MAD1L1: variants seen among roughly 807,000 people sequenced by gnomAD.
MAD1L1 encodes the protein mitotic spindle assembly checkpoint protein MAD1.
A neutral mutation model predicts 96.9 loss-of-function variants in MAD1L1; 95 were observed. The ratio of observed to expected loss-of-function variants is 0.98; its 90% CI spans 0.83 to 1.16. The LOEUF is 1.16. Ranked by LOEUF, MAD1L1 falls within the 50% of genes most tolerant of loss-of-function variation. MAD1L1 has a pLI of 0.00. For synonymous variants in MAD1L1, 473 were observed against 396.6 expected, an observed-to-expected ratio of 1.19 and a Z score of -2.29; for missense variants, 1,007 against 954.4, an observed-to-expected ratio of 1.06 and a Z score of -0.73.
intron 14 of MAD1L1, among the ~76,000 whole-genome samples, chr7:2,001,040 C>A (rs1299161003): frequency 1.3e-5 from 2 of 152,250 alleles, no homozygotes; most frequent in East Asian, 1.9e-4. Context: ...CCGCCACAGG[C>A]TGTGCTGCCA....
intron 18 of MAD1L1, among the ~76,000 whole-genome samples, chr7:1,887,283 A>G (rs1183778653): frequency 6.6e-6 from 1 of 150,926 alleles, no homozygotes. Flanking sequence ...GCATGTGTGT[A>G]TGTGGCTGCC....
chr7:1,898,300 C>T lies in MAD1L1; in HGVS notation c.1898G>A (p.Cys633Tyr), dbSNP rs768791748. 2.5e-6 allele frequency: 4 copies of T among 1,614,044 alleles called. No individual in the cohort carries two copies. The highest frequency in any genetic ancestry group is 3.4e-6 in the Non-Finnish European group (4 of 1,179,970). ...QTKIQEFRKACYTLTGYQIDI... is the reference protein window; with the variant it reads ...QTKIQEFRKAYYTLTGYQIDI... ...GATCTGGTAGCCGGTGAGCGTGTAG[C>T]AGGCCTTGCGGAACTCCTGGATCTT... is the stretch of plus-strand genomic sequence containing the variant. The change falls in exon 18 of 19, where the codon TGC (cysteine) becomes TAC (tyrosine). Residue 633 changes from cysteine to tyrosine, a missense_variant. Transcript: ENST00000265854.
At chr7:2,188,189 G>C (rs1198313517) in intron 10 of MAD1L1, among the ~76,000 whole-genome samples, 3 of 152,236 alleles carry the variant, frequency 2.0e-5, no homozygotes, top group Non-Finnish European at 2.9e-5. Context: ...AGTTTGAAAA[G>C]ATTATTCCGT....
At chr7:1,847,983 C>A in intron 18 of MAD1L1, 1 of 349,938 alleles carries the variant, frequency 2.9e-6, no homozygotes, top group South Asian at 2.1e-5. Flanking sequence ...CAGCCCCTGA[C>A]CACACTGGTT....
At chr7:1,841,873 T>G (rs1336888150) in intron 18 of MAD1L1, among the ~76,000 whole-genome samples, 1 of 152,180 alleles carries the variant, frequency 6.6e-6, no homozygotes, top group Non-Finnish European at 1.5e-5. Context: ...GAGCTGGGAT[T>G]CCATCTCTGC....
intron 14 of MAD1L1, 34 bp downstream of exon 14, chr7:2,002,031 C>T: frequency 6.2e-7 from 1 of 1,611,094 alleles, no homozygotes; most frequent in Non-Finnish European, 8.5e-7. Context: ...GGTCCAGGTG[C>T]CCTGAATCCC....
intron 11 of MAD1L1, among the ~76,000 whole-genome samples, chr7:2,126,281 G>T (rs1375068114): frequency 6.6e-6 from 1 of 152,242 alleles, no homozygotes; most frequent in African/African-American, 2.4e-5. Context: ...ACCCTCGGAG[G>T]GCCCCAGGTT....
At position 2,225,475 on chromosome 7, in the gene MAD1L1, G is replaced by A. The variant is rs762400118; in HGVS notation, c.226C>T (p.Leu76=). The change falls in exon 4 of 19, where the codon CTG becomes TTG. Residue 76 remains leucine (L), a synonymous_variant. Coordinates refer to ENST00000265854, the MANE Select transcript of MAD1L1 (RefSeq NM_001013836.2). ...QVEREKMQME[L]SHKRARVELE... is the part of the protein sequence containing the mutation. The stretch of plus-strand genomic sequence containing the variant: ...TCCACTCGAGCCCTCTTGTGACTCA[G>A]CTCCATCTGCATTTTCTCCCGCTCC... 1 of 1,614,158 alleles carries A rather than the reference G, an allele frequency of 6.2e-7. No individual in the cohort carries two copies.
chr7:2,096,058 C>T (rs987924531), intron 11 of MAD1L1, among the ~76,000 whole-genome samples: 1 of 152,232 alleles, frequency 6.6e-6, no homozygotes, highest in Admixed American at 6.5e-5. Context: ...GTAATGACAG[C>T]TCGCAGCCCA....
intron 17 of MAD1L1, among the ~76,000 whole-genome samples, chr7:1,900,281 T>C (rs1318429019): frequency 6.6e-6 from 1 of 152,180 alleles, no homozygotes; most frequent in Non-Finnish European, 1.5e-5. Context: ...GGAGCAGCGG[T>C]GCAGGGACCA....
intron 12 of MAD1L1, among the ~76,000 whole-genome samples, chr7:2,066,066 A>G (rs1784862864): frequency 6.6e-6 from 1 of 152,244 alleles, no homozygotes; most frequent in African/African-American, 2.4e-5. Flanking sequence ...ACTCTTAGCT[A>G]TCAGTAACAA....
intron 18 of MAD1L1, among the ~76,000 whole-genome samples, chr7:1,881,931 C>T (rs987524887): frequency 2.0e-5 from 3 of 152,250 alleles, no homozygotes; most frequent in African/African-American, 7.2e-5. Context: ...TCCTGTGTGG[C>T]TGGTGCCACG....
intron 11 of MAD1L1, among the ~76,000 whole-genome samples, chr7:2,101,202 G>A (rs1238657092): frequency 6.6e-6 from 1 of 152,242 alleles, no homozygotes; most frequent in Non-Finnish European, 1.5e-5. Context: ...ATACACCAAA[G>A]AGGATGCGGG....
At position 2,208,789 on chromosome 7, in the gene MAD1L1, G is replaced by A. The variant is rs370842795; in HGVS notation, c.986+4423C>T. Among the ~76,000 whole-genome samples the A allele has an allele frequency of 3.9e-4, 60 of 152,178 alleles. No individual in the cohort carries two copies. The East Asian group carries it at 8.3e-3, about 21-fold the overall frequency. On this transcript the variant is annotated intron_variant, in intron 10 of 18. Transcript: ENST00000265854. ...CTCCTCCTCCCCCTCCTGTGCCCGAGGTCTTGCCGAGGATGACACGTACCT... is the reference window on the plus strand; with the variant it reads ...CTCCTCCTCCCCCTCCTGTGCCCGAAGTCTTGCCGAGGATGACACGTACCT...
At chr7:1,869,946 C>T (rs1049149400) in intron 18 of MAD1L1, among the ~76,000 whole-genome samples, 5 of 152,178 alleles carry the variant, frequency 3.3e-5, no homozygotes, top group African/African-American at 7.2e-5. Context: ...AGGCGGCTGG[C>T]TGGAGCACTT....
chr7:1,836,183 G>A (rs539508422), intron 18 of MAD1L1, among the ~76,000 whole-genome samples: 186 of 152,114 alleles, frequency 1.2e-3, no homozygotes, highest in African/African-American at 4.2e-3. Flanking sequence ...CACCGTGCCC[G>A]GCTAATTTTT....
intron 12 of MAD1L1, among the ~76,000 whole-genome samples, chr7:2,055,871 C>T (rs1300592221): frequency 2.0e-5 from 3 of 152,006 alleles, no homozygotes; most frequent in Non-Finnish European, 2.9e-5. Flanking sequence ...CCCAGCTACT[C>T]GGGAGGCTGA....
intron 17 of MAD1L1, among the ~76,000 whole-genome samples, chr7:1,917,263 C>T (rs1788468465): frequency 1.3e-5 from 2 of 152,190 alleles, no homozygotes; most frequent in Non-Finnish European, 2.9e-5. Flanking sequence ...CATGGGCCTC[C>T]CGCTCGGCTG....
Position 2,119,562 on chromosome 7 carries a change from C to T in MAD1L1, c.1073+29590G>A, listed in dbSNP as rs938054321. Among the ~76,000 whole-genome samples, 2 of 152,212 alleles carry T rather than the reference C, an allele frequency of 1.3e-5. No homozygotes were observed. The highest frequency in any genetic ancestry group is 6.5e-5 in the Admixed American group (1 of 15,280). On this transcript the variant is annotated intron_variant, in intron 11 of 18. Coordinates refer to ENST00000265854, the MANE Select transcript of MAD1L1 (RefSeq NM_001013836.2). The surrounding 1 kb of genome is among the most constrained non-coding windows in gnomAD (Gnocchi z 4.6). The stretch of plus-strand genomic sequence containing the variant: ...CCCGACTGTGGGGACAGCACGTGCC[C>T]GAGCTCTGACCCACATGCAGACATC...
Sources: allele counts gnomAD v4.1 joint callset (sites outside exome capture counted in the v4.1 genomes callset), GRCh38; gene constraint gnomAD v4.1.1; non-coding constraint Gnocchi (gnomAD v3.1); transcripts MANE v1.5; gene names NCBI Gene and HGNC (gene_info 2026-07-23, HGNC 2026-07-21).